TNPO2: variants seen among roughly 807,000 people sequenced by gnomAD.
TNPO2 encodes the protein transportin-2.
A neutral mutation model predicts 111.1 loss-of-function variants in TNPO2; 16 were observed. The ratio of observed to expected loss-of-function variants is 0.14; its 90% confidence interval spans 0.10 to 0.22. TNPO2 has a LOEUF of 0.22. Among genes scored for constraint, TNPO2 ranks in the 10% least tolerant of loss-of-function variants. TNPO2 has a pLI of 1.00. For missense variants in TNPO2, 530 were observed against 1,173.7 expected, an observed-to-expected ratio of 0.45 and a Z score of 8.01; for synonymous variants, 481 against 475.8, an observed-to-expected ratio of 1.01 and a Z score of -0.14.
chr19:12,715,544 T>G lies in TNPO2; in HGVS notation c.433-6A>C, dbSNP rs781228301. The G allele has an allele frequency of 1.9e-6, 3 of 1,613,716 alleles. No homozygotes were observed. The highest frequency in any genetic ancestry group is 4.5e-5 in the East Asian group (2 of 44,886). On this transcript the variant is annotated splice_region_variant and splice_polypyrimidine_tract_variant and intron_variant, in intron 6 of 25. Transcript: ENST00000425528. This position sits in a 1 kb window ranked among gnomAD's most constrained non-coding sequence, Gnocchi z 7.1. ...TGCAGGGCTCCAAAGGCTCCCTGAG[T>G]GCAGAGGGGCAGAGAGACAAACGTG...
Position 12,711,285 on chromosome 19 carries a change from G to A in TNPO2, c.1117+11C>T, listed in dbSNP as rs377385944. 2.2e-5 allele frequency: 35 copies of A among 1,610,578 alleles called. No homozygotes were observed. The highest frequency in any genetic ancestry group is 2.9e-5 in the Non-Finnish European group (34 of 1,177,838). ...GCCACCCCACCACCACCCCCAGGCA[G>A]GGGCACACACTCAAATTCCAGTCGG... On this transcript the variant is annotated intron_variant, in intron 12 of 25. Coordinates refer to ENST00000425528, the MANE Select transcript of TNPO2 (RefSeq NM_001382241.1).
intron 13 of TNPO2, among the ~76,000 whole-genome samples, chr19:12,707,072 C>T (rs1380686362): frequency 6.6e-6 from 1 of 152,156 alleles, no homozygotes; most frequent in Non-Finnish European, 1.5e-5. Flanking sequence ...GATCATGGCT[C>T]ACCGCAACCT....
In TNPO2 at chr19:12,705,272, T is replaced by C. The variant is rs1421030883; in HGVS notation, c.1990A>G (p.Asn664Asp). The stretch of plus-strand genomic sequence containing the variant: ...CACTGGAACAGCAATGTCATGATGT[T>C]GCTGCGGGCCACCAGCTGCTCCACG... ...GHVEQLVARSNIMTLLFQCMQ... is the reference protein window; with the variant it reads ...GHVEQLVARSDIMTLLFQCMQ... Residue 664 changes from asparagine to aspartate, a missense_variant, in exon 18 of 26, where the codon AAC (asparagine) becomes GAC (aspartate). By Grantham distance (23) the Asn-to-Asp change is conservative. Coordinates refer to ENST00000425528, the MANE Select transcript of TNPO2 (RefSeq NM_001382241.1). The surrounding 1 kb of genome is among the most constrained non-coding windows in gnomAD (Gnocchi z 7.2). 1 of 1,605,862 alleles carries C rather than the reference T, an allele frequency of 6.2e-7. No homozygotes were observed. Among genetic ancestry groups the C allele is most frequent in the Non-Finnish European group, 8.5e-7 (1 of 1,176,442 alleles).
chr19:12,703,545 G>A lies in TNPO2; in HGVS notation c.2111-19C>T, dbSNP rs1312089347. 6 of 1,613,178 alleles carry A rather than the reference G, an allele frequency of 3.7e-6. No homozygotes were observed. The African/African-American group carries it at 4.0e-5, about 11-fold the overall frequency. On this transcript the variant is annotated intron_variant, in intron 19 of 25. Transcript: ENST00000425528. Reference sequence around the variant, plus strand: ...AACTCGGCTGGTGGGGAGAAACAGGGGTGCTGAGAAGGAGGGCCAGCCAGG... The same window carrying A: ...AACTCGGCTGGTGGGGAGAAACAGGAGTGCTGAGAAGGAGGGCCAGCCAGG...
chr19:12,699,593 A>G lies in TNPO2; in HGVS notation c.*1671T>C, dbSNP rs1391053025. 1 of 152,082 alleles carries G rather than the reference A, an allele frequency of 6.6e-6. No homozygotes were observed. The highest frequency in any genetic ancestry group is 1.5e-5 in the Non-Finnish European group (1 of 68,064). The allele number at this position is 152,082 out of a possible 1,614,324, so 9.4% of individuals were successfully genotyped here. ...ACAGCCAATCCATCCACACACCCCA[A>G]GACCCAGCAGAGGATGCTTCAAAGA... On this transcript the variant is annotated 3_prime_UTR_variant, in exon 26 of 26. Transcript: ENST00000425528.
chr19:12,709,715 T>C (rs992296078), intron 13 of TNPO2, among the ~76,000 whole-genome samples: 4 of 149,286 alleles, frequency 2.7e-5, no homozygotes, highest in African/African-American at 9.9e-5. Flanking sequence ...ACACCTGGGC[T>C]CAAACGATCT....
chr19:12,711,748 G>A lies in TNPO2; in HGVS notation c.891-135C>T. On this transcript the variant is annotated intron_variant, in intron 10 of 25. Coordinates refer to ENST00000425528, the MANE Select transcript of TNPO2 (RefSeq NM_001382241.1). The stretch of plus-strand genomic sequence containing the variant: ...AATCAGCCACAGAGCAGACCCTGCA[G>A]AGCATGATGGTACTGCTAGGTGCAA... 4 of 694,458 alleles carry A rather than the reference G, an allele frequency of 5.8e-6. No homozygotes were observed. In the South Asian group the frequency reaches 6.8e-5, roughly 12 times the overall value. The allele number at this position is 694,458 out of a possible 1,614,324, so 43.0% of individuals were successfully genotyped here.
chr19:12,713,825 C>T (rs903678180), intron 10 of TNPO2, among the ~76,000 whole-genome samples: 3 of 152,026 alleles, frequency 2.0e-5, no homozygotes, highest in East Asian at 1.9e-4. Flanking sequence ...GCCAGGGATC[C>T]GAGACCAGCC....
Position 12,721,249 on chromosome 19 carries a change from C to T in TNPO2, c.-13-259G>A. ...CGGCGGCGGCGGGGCCCGGCGGATC[C>T]TCATGGGACCCAGCGAAGAGCCCTC... On this transcript the variant is annotated intron_variant, in intron 2 of 25. Transcript: ENST00000425528. The surrounding 1 kb of genome is among the most constrained non-coding windows in gnomAD (Gnocchi z 4.9). The T allele has an allele frequency of 1.5e-6, 2 of 1,306,520 alleles. No individual in the cohort carries two copies. Among genetic ancestry groups the T allele is most frequent in the South Asian group, 3.0e-5 (2 of 65,910 alleles). The allele number at this position is 1,306,520 out of a possible 1,614,324, so 80.9% of individuals were successfully genotyped here.
intron 13 of TNPO2, among the ~76,000 whole-genome samples, chr19:12,707,716 C>A (rs577009493): frequency 6.6e-6 from 1 of 151,572 alleles, no homozygotes; most frequent in African/African-American, 2.4e-5. Context: ...CTTAAAATCC[C>A]GACCTCACGT....
chr19:12,714,915 G>A lies in TNPO2; in HGVS notation c.796C>T (p.His266Tyr), dbSNP rs1435701156. Residue 266 changes from histidine (H) to tyrosine (Y), a missense_variant, in exon 10 of 26, where the codon CAT (histidine) becomes TAT (tyrosine). His to Tyr is a moderately conservative substitution (Grantham distance 83). Transcript: ENST00000425528. ...GCCTCAAGGGCAACGTTCTCATCAT[G>A]GTCCTGGGTCCTCTGCAGCATGTAC... ...IQYMLQRTQD[H>Y]DENVALEACE... 6.2e-7 allele frequency: 1 copy of A among 1,613,106 alleles called. No homozygotes were observed. Among genetic ancestry groups the A allele is most frequent in the Admixed American group, 1.7e-5 (1 of 59,750 alleles).
rs1406709732 is a variant in TNPO2, at chr19:12,702,947, ACAGC to A, written c.2210-33_2210-30del. 3 of 1,607,178 alleles carry A rather than the reference ACAGC, an allele frequency of 1.9e-6. No individual in the cohort carries two copies. The South Asian group carries it at 3.3e-5, about 18-fold the overall frequency. On this transcript the variant is annotated intron_variant, in intron 20 of 25. Transcript: ENST00000425528. This position sits in a 1 kb window ranked among gnomAD's most constrained non-coding sequence, Gnocchi z 5.5. ...GGGGAGCACCCAGTCAGAGCCCTGC[ACAGC>A]CCCCGCCACCCACAGGGGCCAGGGG...
chr19:12,717,043 C>T lies in TNPO2; in HGVS notation c.326-1304G>A, dbSNP rs1402490712. ...CTGGTGACAGAGCTGGATATGGGTTCTGTTAAGTGCAGAGATGGTATTTGC... is the reference window on the plus strand; with the variant it reads ...CTGGTGACAGAGCTGGATATGGGTTTTGTTAAGTGCAGAGATGGTATTTGC... On this transcript the variant is annotated intron_variant, in intron 5 of 25. Transcript: ENST00000425528. 3.3e-5 allele frequency among the ~76,000 whole-genome samples: 5 copies of T among 151,970 alleles called. No homozygotes were observed. The East Asian group carries it at 7.7e-4, about 23-fold the overall frequency.
In TNPO2 at chr19:12,719,716, T is replaced by C. The variant is rs186176243; in HGVS notation, c.100-380A>G. 1.3e-5 allele frequency among the ~76,000 whole-genome samples: 2 copies of C among 152,076 alleles called. No individual in the cohort carries two copies. The highest frequency in any genetic ancestry group is 3.9e-4 in the East Asian group (2 of 5,160). On this transcript the variant is annotated intron_variant, in intron 3 of 25. Coordinates refer to ENST00000425528, the MANE Select transcript of TNPO2 (RefSeq NM_001382241.1). This position sits in a 1 kb window ranked among gnomAD's most constrained non-coding sequence, Gnocchi z 5.0. ...TGGGAGGCTGACGCAGGGGAATCGC[T>C]TGAACCCAGCAGGTGAAGGTTGCAG... is the stretch of plus-strand genomic sequence containing the variant.
Position 12,711,326 on chromosome 19 carries a change from C to T in TNPO2, c.1087G>A (p.Asp363Asn), listed in dbSNP as rs753705672. The T allele has an allele frequency of 1.2e-6, 2 of 1,613,986 alleles. No individual in the cohort carries two copies. The highest frequency in any genetic ancestry group is 2.2e-5 in the South Asian group (2 of 91,082). Residue 363 changes from aspartate to asparagine, a missense_variant, in exon 12 of 26, where the codon GAT becomes AAT. Coordinates refer to ENST00000425528, the MANE Select transcript of TNPO2 (RefSeq NM_001382241.1). ...DGSEDAEDDD[D>N]DDALSDWNLR... Reference sequence around the variant, plus strand: ...TTCCAGTCGGACAGAGCATCATCATCATCGTCATCCTCCGCGTCCTCGGAG... The same window carrying T: ...TTCCAGTCGGACAGAGCATCATCATTATCGTCATCCTCCGCGTCCTCGGAG...
rs1241765519 is a variant in TNPO2 at position 12,721,518 on chromosome 19, A to G, written c.-13-528T>C. 2.7e-6 allele frequency: 1 copy of G among 365,932 alleles called. No individual in the cohort carries two copies. The highest frequency in any genetic ancestry group is 1.0e-4 in the East Asian group (1 of 9,736). The allele number at this position is 365,932 out of a possible 1,614,324, so 22.7% of individuals were successfully genotyped here. A position where few individuals can be genotyped will look rare whatever the true frequency, so the allele number is the denominator to read the frequency against. On this transcript the variant is annotated intron_variant, in intron 2 of 25. Transcript: ENST00000425528. The surrounding 1 kb of genome is among the most constrained non-coding windows in gnomAD (Gnocchi z 4.9). ...GCCTCCTGCCCTAGTCCAATTTCTGAGCTTCCCCAGATGCGCCCTCCCAAG... is the reference window on the plus strand; with the variant it reads ...GCCTCCTGCCCTAGTCCAATTTCTGGGCTTCCCCAGATGCGCCCTCCCAAG...
At position 12,719,425 on chromosome 19, in the gene TNPO2, G is replaced by T; in HGVS notation, c.100-89C>A. ...TACCTGACACTATCTCTGACCACTG[G>T]GACCAGGCTGCCAGCTCCTGGGGGA... On this transcript the variant is annotated intron_variant, in intron 3 of 25. Coordinates refer to ENST00000425528, the MANE Select transcript of TNPO2 (RefSeq NM_001382241.1). The surrounding 1 kb of genome is among the most constrained non-coding windows in gnomAD (Gnocchi z 5.0). The T allele has an allele frequency of 8.7e-7, 1 of 1,147,698 alleles. No homozygotes were observed. Among genetic ancestry groups the T allele is most frequent in the Non-Finnish European group, 1.3e-6 (1 of 774,270 alleles). 71.1% of individuals were successfully genotyped at this position (1,147,698 alleles called of 1,614,324 possible).
Position 12,701,469 on chromosome 19 carries a change from T to A in TNPO2, c.2587-16A>T. 1 of 1,611,190 alleles carries A rather than the reference T, an allele frequency of 6.2e-7. No homozygotes were observed. The highest frequency in any genetic ancestry group is 8.5e-7 in the Non-Finnish European group (1 of 1,177,580). ...CGTGGAGAATCTGTGGGGAGGGTGG[T>A]GGTGAGGGGTAGGCAGGGGCAGAAC... On this transcript the variant is annotated splice_polypyrimidine_tract_variant and intron_variant, in intron 24 of 25. Coordinates refer to ENST00000425528, the MANE Select transcript of TNPO2 (RefSeq NM_001382241.1). The surrounding 1 kb of genome is among the most constrained non-coding windows in gnomAD (Gnocchi z 5.0).
At chr19:12,714,962 A>AGGCCT in intron 9 of TNPO2, 23 bp from the exon 10 acceptor site, 1 of 1,601,830 alleles carries the variant, frequency 6.2e-7, no homozygotes, top group African/African-American at 1.3e-5. Flanking sequence ...GGAGAAGCTG[A>AGGCCT]GGCCTGGCCT....
Sources: allele counts gnomAD v4.1 joint callset (sites outside exome capture counted in the v4.1 genomes callset), GRCh38; gene constraint gnomAD v4.1.1; non-coding constraint Gnocchi (gnomAD v3.1); transcripts MANE v1.5; gene names NCBI Gene and HGNC (gene_info 2026-07-23, HGNC 2026-07-21).